Variants in KCTD8 observed in about 807,000 individuals in gnomAD.
KCTD8 encodes BTB/POZ domain-containing protein KCTD8.
In KCTD8, 27 loss-of-function variants were observed where a neutral mutation model predicts 31.5. That is an observed-to-expected ratio of 0.86 (90% CI 0.63 to 1.18). The LOEUF is 1.18. Ranked by LOEUF, KCTD8 falls within the 50% of genes most tolerant of loss-of-function variation. The pLI, the probability that KCTD8 is intolerant of heterozygous loss-of-function variation, is 0.00. For missense variants in KCTD8, 658 were observed against 647.7 expected, an observed-to-expected ratio of 1.02 and a Z score of -0.17; for synonymous variants, 290 against 280.0, an observed-to-expected ratio of 1.04 and a Z score of -0.36.
intron 1 of KCTD8, among the ~76,000 whole-genome samples, chr4:44,360,490 T>A (rs1719467040): frequency 6.6e-6 from 1 of 151,950 alleles, no homozygotes; most frequent in Non-Finnish European, 1.5e-5. Flanking sequence ...AAAACAACAA[T>A]TATACTAATG....
At chr4:44,195,564 G>A (rs535372874) in intron 1 of KCTD8, among the ~76,000 whole-genome samples, 12 of 152,192 alleles carry the variant, frequency 7.9e-5, no homozygotes, top group South Asian at 2.1e-4. Context: ...TATTGGTTTC[G>A]TTCTACTGAT....
At chr4:44,406,115 G>T (rs1353528331) in intron 1 of KCTD8, among the ~76,000 whole-genome samples, 1 of 152,024 alleles carries the variant, frequency 6.6e-6, no homozygotes, top group East Asian at 1.9e-4. Context: ...TCCCACAGTG[G>T]GGTAGCATCC....
intron 1 of KCTD8, among the ~76,000 whole-genome samples, chr4:44,221,721 A>T (rs985051067): frequency 1.3e-5 from 2 of 152,180 alleles, no homozygotes; most frequent in African/African-American, 4.8e-5. Flanking sequence ...GATGGATGCC[A>T]GAAGACTTAG....
intron 1 of KCTD8, among the ~76,000 whole-genome samples, chr4:44,205,030 G>A (rs1714260549): frequency 6.6e-6 from 1 of 151,970 alleles, no homozygotes; most frequent in African/African-American, 2.4e-5. Context: ...AATCTGGAGA[G>A]ATTGAAAAAA....
intron 1 of KCTD8, among the ~76,000 whole-genome samples, chr4:44,437,606 A>C (rs957263122): frequency 6.6e-6 from 1 of 152,138 alleles, no homozygotes; most frequent in Non-Finnish European, 1.5e-5. Flanking sequence ...TAAATGTTTT[A>C]TTAATAGCAA....
At chr4:44,213,043 TC>T (rs1714538639) in intron 1 of KCTD8, among the ~76,000 whole-genome samples, 1 of 152,132 alleles carries the variant, frequency 6.6e-6, no homozygotes, top group African/African-American at 2.4e-5. Context: ...GTTCACGCCA[TC>T]CTCCTGCCTC....
At chr4:44,239,446 T>A (rs915208126) in intron 1 of KCTD8, among the ~76,000 whole-genome samples, 3 of 152,196 alleles carry the variant, frequency 2.0e-5, no homozygotes, top group African/African-American at 7.2e-5. Context: ...TCTCATAGTG[T>A]TATCAAGTTG....
intron 1 of KCTD8, among the ~76,000 whole-genome samples, chr4:44,253,166 G>A (rs1170796233): frequency 3.3e-5 from 5 of 151,512 alleles, no homozygotes; most frequent in African/African-American, 7.3e-5. Context: ...GAGGTTTACC[G>A]TTCATTAGTC....
At chr4:44,271,511 A>C (rs977922218) in intron 1 of KCTD8, among the ~76,000 whole-genome samples, 2 of 152,082 alleles carry the variant, frequency 1.3e-5, no homozygotes, top group Non-Finnish European at 2.9e-5. Context: ...AACTGGTCCC[A>C]AAACTGGCCA....
intron 1 of KCTD8, among the ~76,000 whole-genome samples, chr4:44,342,688 T>C (rs1718933956): frequency 6.6e-6 from 1 of 152,240 alleles, no homozygotes; most frequent in African/African-American, 2.4e-5. Context: ...CTCCTTCCAA[T>C]AGAAGGCTGT....
chr4:44,298,579 GAAACAAT>G (rs1717513413), intron 1 of KCTD8, among the ~76,000 whole-genome samples: 1 of 152,106 alleles, frequency 6.6e-6, no homozygotes. Context: ...CAGCTCCCCA[GAAACAAT>G]AAGAAATAGC....
At chr4:44,332,587 C>G (rs1298806904) in intron 1 of KCTD8, among the ~76,000 whole-genome samples, 1 of 151,880 alleles carries the variant, frequency 6.6e-6, no homozygotes, top group African/African-American at 2.4e-5. Context: ...TTACTTCTTA[C>G]AAAGCATTTC....
intron 1 of KCTD8, among the ~76,000 whole-genome samples, chr4:44,275,616 A>C (rs1423038241): frequency 6.6e-6 from 1 of 152,096 alleles, no homozygotes; most frequent in Admixed American, 6.6e-5. Flanking sequence ...AAAGCTAAGA[A>C]TCTACTAAAC....
At chr4:44,267,432 A>G (rs1485137361) in intron 1 of KCTD8, among the ~76,000 whole-genome samples, 1 of 152,242 alleles carries the variant, frequency 6.6e-6, no homozygotes, top group Non-Finnish European at 1.5e-5. Flanking sequence ...AATGCCCACA[A>G]GAGAAAGCAG....
intron 1 of KCTD8, among the ~76,000 whole-genome samples, chr4:44,221,602 A>G (rs889974654): frequency 6.6e-6 from 1 of 152,198 alleles, no homozygotes; most frequent in Non-Finnish European, 1.5e-5. Flanking sequence ...AGTCTGTGGC[A>G]GAAGGCCCAG....
chr4:44,231,571 T>C (rs1396141607), intron 1 of KCTD8, among the ~76,000 whole-genome samples: 1 of 152,184 alleles, frequency 6.6e-6, no homozygotes, highest in Non-Finnish European at 1.5e-5. Flanking sequence ...GGGAGCAAAA[T>C]GGAATGTTGT....
chr4:44,446,181 C>T (rs564572078), intron 1 of KCTD8, among the ~76,000 whole-genome samples: 2 of 152,292 alleles, frequency 1.3e-5, no homozygotes, highest in East Asian at 3.9e-4. Context: ...AATATACAAA[C>T]ACTAAGCCAA....
chr4:44,344,884 C>T (rs1271883415), intron 1 of KCTD8, among the ~76,000 whole-genome samples: 1 of 152,204 alleles, frequency 6.6e-6, no homozygotes, highest in Non-Finnish European at 1.5e-5. Context: ...TAGGAACATA[C>T]ATTCCTCTAA....
chr4:44,258,158 A>G (rs1343565513), intron 1 of KCTD8, among the ~76,000 whole-genome samples: 1 of 152,008 alleles, frequency 6.6e-6, no homozygotes, highest in African/African-American at 2.4e-5. Context: ...AATTGTCACA[A>G]ATGAATTACT....
Sources: gnomAD v4.1 joint callset for allele counts (sites outside exome capture counted in the v4.1 genomes callset) on GRCh38, gnomAD v4.1.1 for gene constraint, MANE v1.5 for transcripts, NCBI Gene and HGNC (gene_info 2026-07-23, HGNC 2026-07-21) for gene names.